The following GSE1 variants were observed in gnomAD, a reference collection of about 807,000 sequenced individuals.
GSE1 encodes the protein genetic suppressor element 1.
A neutral mutation model predicts 112.6 loss-of-function variants in GSE1; 32 were observed. The observed-to-expected ratio is 0.28, with a 90% confidence interval of 0.21 to 0.38. The LOEUF (loss-of-function observed/expected upper bound fraction) is 0.38. Among genes scored for constraint, GSE1 ranks in the 10% least tolerant of loss-of-function variants. GSE1 has a pLI of 1.00. For missense variants in GSE1, 2,348 were observed against 1,699.2 expected (o/e 1.38, Z -6.71); for synonymous variants, 1,115 against 735.6 (o/e 1.52, Z -8.35).
At chr16:85,357,542 C>G (rs1340098998) in exon 2 of GSE1, 1 of 1,285,016 alleles carries the variant, frequency 7.8e-7, no homozygotes. Flanking sequence ...CGCGCCCCCA[C>G]GGAGACCCTG....
chr16:85,668,587 C>T (rs372433486), intron 14 of GSE1, among the ~76,000 whole-genome samples, 163 bp downstream of exon 14: 10 of 152,188 alleles, frequency 6.6e-5, no homozygotes, highest in East Asian at 1.9e-4. Context: ...CTTCTGGTAG[C>T]GGTGATGTCC....
At chr16:85,493,017 G>A (rs980992137) in intron 2 of GSE1, among the ~76,000 whole-genome samples, 2 of 152,236 alleles carry the variant, frequency 1.3e-5, no homozygotes, top group African/African-American at 4.8e-5. Context: ...CAGAGCTAGT[G>A]CAGGGTATGG....
At chr16:85,238,711 C>T (rs2143909468) in intron 1 of GSE1, among the ~76,000 whole-genome samples, 1 of 152,274 alleles carries the variant, frequency 6.6e-6, no homozygotes. Context: ...TTGGGGCGCT[C>T]AGCAGGGTGG....
At chr16:85,258,429 C>T (rs1907308592) in intron 1 of GSE1, among the ~76,000 whole-genome samples, 1 of 152,222 alleles carries the variant, frequency 6.6e-6, no homozygotes, top group Admixed American at 6.5e-5. Flanking sequence ...TTCCACTGAA[C>T]ACATTCTCAC....
At chr16:85,171,864 G>C (rs1354652939) in intron 1 of GSE1, 2 of 888,226 alleles carry the variant, frequency 2.3e-6, no homozygotes, top group Non-Finnish European at 2.7e-6. Context: ...ATTCAGGGAA[G>C]GGAGAGATGT....
chr16:85,579,671 A>G (rs189781693), intron 1 of GSE1, among the ~76,000 whole-genome samples: 2 of 152,182 alleles, frequency 1.3e-5, no homozygotes, highest in South Asian at 4.1e-4. Flanking sequence ...CTCTCTTCCT[A>G]GTCAGAGTCC....
intron 8 of GSE1, among the ~76,000 whole-genome samples, chr16:85,660,816 G>C (rs899537765): frequency 2.0e-5 from 3 of 152,064 alleles, no homozygotes; most frequent in Non-Finnish European, 2.9e-5. Flanking sequence ...TTTTTTAGTA[G>C]AGATGGGGTT....
intron 2 of GSE1, among the ~76,000 whole-genome samples, chr16:85,445,954 CA>C (rs2049500135): frequency 6.6e-6 from 1 of 152,210 alleles, no homozygotes; most frequent in Non-Finnish European, 1.5e-5. Context: ...GTGAAATGGG[CA>C]AATAATGGCA....
rs779002672 is a variant in GSE1 at position 85,654,981 on chromosome 16, C to G, written c.787C>G (p.Pro263Ala). The G allele has an allele frequency of 5.0e-6, 8 of 1,590,246 alleles. No individual in the cohort carries two copies. The highest frequency in any genetic ancestry group is 6.8e-6 in the Non-Finnish European group (8 of 1,168,240). Residue 263 changes from proline to alanine, a missense_variant, in exon 5 of 16, where the codon CCG becomes GCG. Transcript: ENST00000253458. ...SYLAPHPFPH[P>A]AFRMDDSYCL... Reference sequence around the variant, plus strand: ...CCTGGCCCCACACCCCTTCCCCCACCCGGCCTTCAGGTGAGGCATCCCCCA... The same window carrying G: ...CCTGGCCCCACACCCCTTCCCCCACGCGGCCTTCAGGTGAGGCATCCCCCA...
intron 1 of GSE1, among the ~76,000 whole-genome samples, chr16:85,614,431 C>T (rs1442605621): frequency 6.6e-6 from 1 of 152,256 alleles, no homozygotes; most frequent in Non-Finnish European, 1.5e-5. Flanking sequence ...CGCCTCCCCT[C>T]CCCAGCGCCG....
chr16:85,654,734 C>T, intron 4 of GSE1, 60 bp from the exon 5 acceptor site: 2 of 1,026,914 alleles, frequency 1.9e-6, no homozygotes, highest in Non-Finnish European at 3.0e-6. Flanking sequence ...AGCCGTCCCC[C>T]CATGCAGGAG....
At chr16:85,488,760 T>C (rs9673791) in intron 2 of GSE1, among the ~76,000 whole-genome samples, 58,320 of 152,040 alleles carry the variant, frequency 0.38, 11,639 homozygotes, top group Non-Finnish European at 0.42. Context: ...GAGCTGCCTC[T>C]GGGAGAAGCT....
chr16:85,606,871 C>A (rs966835234), upstream of GSE1, among the ~76,000 whole-genome samples: 2 of 152,232 alleles, frequency 1.3e-5, no homozygotes, highest in Non-Finnish European at 2.9e-5. Context: ...TCTCTGCCCC[C>A]CATCAAGGGT....
At chr16:85,584,431 G>A (rs1048296483) in intron 1 of GSE1, among the ~76,000 whole-genome samples, 3 of 152,184 alleles carry the variant, frequency 2.0e-5, no homozygotes, top group African/African-American at 4.8e-5. Context: ...TAATTATGCC[G>A]TGTTTGTTTC....
chr16:85,435,117 C>T (rs1010846772), intron 2 of GSE1, among the ~76,000 whole-genome samples: 1 of 152,154 alleles, frequency 6.6e-6, no homozygotes, highest in East Asian at 1.9e-4. Context: ...CCTCCAGCCC[C>T]ATAGCCCCGA....
At chr16:85,331,238 C>A (rs2046333431) in intron 1 of GSE1, among the ~76,000 whole-genome samples, 1 of 150,196 alleles carries the variant, frequency 6.7e-6, no homozygotes, top group Non-Finnish European at 1.5e-5. Context: ...CTGCAACCTC[C>A]ACCTCCCGAG....
intron 2 of GSE1, among the ~76,000 whole-genome samples, chr16:85,464,581 G>T (rs900751): frequency 6.6e-6 from 1 of 152,186 alleles, no homozygotes; most frequent in Admixed American, 6.5e-5. Context: ...TGTTTCCCCC[G>T]AGGGGTGATG....
intron 1 of GSE1, among the ~76,000 whole-genome samples, chr16:85,191,712 C>G (rs1018761140): frequency 2.6e-5 from 4 of 152,212 alleles, no homozygotes; most frequent in Non-Finnish European, 5.9e-5. Context: ...CTGTGATGGG[C>G]TCCGAGTAGA....
At chr16:85,568,870 A>T (rs765576871) in intron 1 of GSE1, among the ~76,000 whole-genome samples, 1 of 152,190 alleles carries the variant, frequency 6.6e-6, no homozygotes, top group Non-Finnish European at 1.5e-5. Flanking sequence ...GCTGCTGTGG[A>T]TGAGGGTGAC....
Sources: allele counts gnomAD v4.1 joint callset (sites outside exome capture counted in the v4.1 genomes callset), GRCh38; gene constraint gnomAD v4.1.1; transcripts MANE v1.5; gene names NCBI Gene and HGNC (gene_info 2026-07-23, HGNC 2026-07-21).